Variants in SSBP3 observed in about 807,000 individuals in gnomAD.
SSBP3 encodes the protein single stranded DNA binding protein 3.
Under a neutral mutation model 69.6 loss-of-function variants are expected in SSBP3, and 5 were observed. The observed-to-expected ratio is 0.07, with a 90% confidence interval of 0.04 to 0.15. SSBP3 has a LOEUF of 0.15. Ranked by LOEUF, SSBP3 falls within the 10% of genes least tolerant of loss-of-function variation. SSBP3 has a pLI of 1.00. For synonymous variants in SSBP3, 196 were observed against 193.4 expected (o/e 1.01, Z -0.11); for missense variants, 312 against 534.0 (o/e 0.58, Z 4.10).
At chr1:54,330,003 C>A (rs1379538634) in intron 4 of SSBP3, among the ~76,000 whole-genome samples, 1 of 152,146 alleles carries the variant, frequency 6.6e-6, no homozygotes, top group Non-Finnish European at 1.5e-5. Flanking sequence ...TCACACCTGG[C>A]GCCCCACCAT....
At chr1:54,271,970 A>G (rs1002757874) in intron 5 of SSBP3, among the ~76,000 whole-genome samples, 8 of 152,208 alleles carry the variant, frequency 5.3e-5, no homozygotes, top group African/African-American at 1.9e-4. Context: ...AGGTTTCACC[A>G]TGTTGGTCAG....
chr1:54,289,399 G>A (rs1047317077), intron 4 of SSBP3, among the ~76,000 whole-genome samples: 3 of 151,740 alleles, frequency 2.0e-5, no homozygotes, highest in Admixed American at 6.6e-5. Flanking sequence ...GGGGTGGGGT[G>A]GGGGGCTGTA....
intron 4 of SSBP3, among the ~76,000 whole-genome samples, chr1:54,395,860 A>T (rs1339196825): frequency 1.3e-5 from 2 of 152,090 alleles, no homozygotes; most frequent in Admixed American, 1.3e-4. Context: ...CAACACAGAC[A>T]CAAACACTGC....
chr1:54,344,043 G>C (rs753407538), intron 4 of SSBP3, among the ~76,000 whole-genome samples: 6 of 152,188 alleles, frequency 3.9e-5, no homozygotes, highest in Non-Finnish European at 7.3e-5. Context: ...CCTGGCAACT[G>C]AGGTAGCACC....
intron 1 of SSBP3, 73 bp from the exon 2 acceptor site, chr1:54,405,003 CCAG>C (rs1649610382): frequency 1.5e-6 from 2 of 1,377,666 alleles, no homozygotes. Flanking sequence ...CAGGACCTTG[CCAG>C]CAGGCTTTGA....
chr1:54,259,646 T>G lies in SSBP3; in HGVS notation c.367-1497A>C, dbSNP rs542639407. ...CCTAGGTAGGGTTTCCCCCTTGGCC[T>G]TCTCCTGCAGAGCCAGGCTGCCAGC... On this transcript the variant is annotated intron_variant, in intron 5 of 17. Transcript: ENST00000610401. Among the ~76,000 whole-genome samples, 6 of 152,370 alleles carry G rather than the reference T, an allele frequency of 3.9e-5. No individual in the cohort carries two copies. In the South Asian group the frequency reaches 1.0e-3, roughly 26 times the overall value.
At chr1:54,347,492 C>T (rs978335036) in intron 4 of SSBP3, among the ~76,000 whole-genome samples, 1 of 152,146 alleles carries the variant, frequency 6.6e-6, no homozygotes, top group Non-Finnish European at 1.5e-5. Flanking sequence ...TTAGTCACTA[C>T]ACCAGGCCTG....
chr1:54,352,568 G>A (rs1258711890), intron 4 of SSBP3, among the ~76,000 whole-genome samples: 3 of 152,120 alleles, frequency 2.0e-5, no homozygotes, highest in South Asian at 2.1e-4. Context: ...TCCATATGGG[G>A]TCTTACTATA....
At chr1:54,401,668 C>T (rs1035071971) in intron 4 of SSBP3, among the ~76,000 whole-genome samples, 193 bp downstream of exon 4, 4 of 152,164 alleles carry the variant, frequency 2.6e-5, no homozygotes, top group African/African-American at 7.2e-5. Context: ...TATGAAACAC[C>T]GTTCACCAAG....
upstream of SSBP3, among the ~76,000 whole-genome samples, chr1:54,407,456 G>T (rs539466541): frequency 5.3e-5 from 8 of 152,120 alleles, no homozygotes; most frequent in South Asian, 1.0e-3. Flanking sequence ...TTGAGGGGGG[G>T]GCTGGCAGAG....
upstream of SSBP3, among the ~76,000 whole-genome samples, chr1:54,410,792 A>G (rs912724304): frequency 6.6e-6 from 1 of 152,190 alleles, no homozygotes; most frequent in African/African-American, 2.4e-5. Context: ...TGGGAGGACA[A>G]AGAGAGGTAA....
upstream of SSBP3, among the ~76,000 whole-genome samples, chr1:54,409,753 T>C (rs906439189): frequency 6.6e-6 from 1 of 152,132 alleles, no homozygotes; most frequent in Non-Finnish European, 1.5e-5. Context: ...CTCCCTCCCT[T>C]CCTTTTTTTC....
chr1:54,334,843 G>A (rs1421605561), intron 4 of SSBP3, among the ~76,000 whole-genome samples: 8 of 152,138 alleles, frequency 5.3e-5, no homozygotes, highest in Non-Finnish European at 1.0e-4. Context: ...TTTCTCACTT[G>A]CCGTTCAAAT....
rs375041107 is a variant in SSBP3 at position 54,312,644 on chromosome 1, A to G, written c.277-31117T>C. Among the ~76,000 whole-genome samples the G allele has an allele frequency of 3.3e-5, 5 of 152,240 alleles. No homozygotes were observed. In the East Asian group the frequency reaches 5.8e-4, roughly 18 times the overall value. On this transcript the variant is annotated intron_variant, in intron 4 of 17. Transcript: ENST00000610401. ...CTTCACAGCCTCTACTATGGGCCCAAAGGAAAGAGATGACCCCTCTCTGTA... is the reference window on the plus strand; with the variant it reads ...CTTCACAGCCTCTACTATGGGCCCAGAGGAAAGAGATGACCCCTCTCTGTA...
chr1:54,397,831 A>G (rs1231103502), intron 4 of SSBP3, among the ~76,000 whole-genome samples: 1 of 151,950 alleles, frequency 6.6e-6, no homozygotes, highest in Admixed American at 6.6e-5. Context: ...CTTTTATCAC[A>G]TTTTCCCTGC....
intron 4 of SSBP3, among the ~76,000 whole-genome samples, chr1:54,398,001 G>A (rs1041190438): frequency 1.6e-4 from 25 of 152,120 alleles, no homozygotes; most frequent in African/African-American, 5.8e-4. Context: ...CAGCATACCC[G>A]GTGCCAGGTA....
chr1:54,228,958 C>A, intron 14 of SSBP3, 132 bp from the exon 15 acceptor site: 1 of 902,072 alleles, frequency 1.1e-6, no homozygotes, highest in South Asian at 1.6e-5. Flanking sequence ...TGCTCACACT[C>A]GGACATGTCC....
At chr1:54,243,577 G>C (rs1015227016) in intron 9 of SSBP3, among the ~76,000 whole-genome samples, 1 of 152,196 alleles carries the variant, frequency 6.6e-6, no homozygotes, top group African/African-American at 2.4e-5. Context: ...CCAGCAAGCC[G>C]CTGCCCTCTC....
chr1:54,290,853 G>C (rs113378001), intron 4 of SSBP3, among the ~76,000 whole-genome samples: 5 of 152,168 alleles, frequency 3.3e-5, no homozygotes, highest in African/African-American at 1.2e-4. Flanking sequence ...TCAACAGCTC[G>C]GTATTTGTAC....
Sources: gnomAD v4.1 joint callset for allele counts (sites outside exome capture counted in the v4.1 genomes callset) on GRCh38, gnomAD v4.1.1 for gene constraint, MANE v1.5 for transcripts, NCBI Gene and HGNC (gene_info 2026-07-23, HGNC 2026-07-21) for gene names.